The following TECR variants were observed in gnomAD, a reference collection of about 807,000 sequenced individuals.
TECR encodes the protein very-long-chain enoyl-CoA reductase.
A neutral mutation model predicts 50.6 loss-of-function variants in TECR; 19 were observed. The observed-to-expected ratio is 0.38, with a 90% CI of 0.26 to 0.55. The LOEUF (loss-of-function observed/expected upper bound fraction) is 0.55, where lower values mean the gene tolerates loss of function less well. Ranked by LOEUF, TECR falls within the 20% of genes least tolerant of loss-of-function variation. The pLI is 0.79. For synonymous variants in TECR, 168 were observed against 163.5 expected (o/e 1.03, Z -0.21); for missense variants, 313 against 408.3 (o/e 0.77, Z 2.01).
chr19:14,545,704 C>G (rs2073284180), intron 1 of TECR: 1 of 161,826 alleles, frequency 6.2e-6, no homozygotes, highest in Non-Finnish European at 1.4e-5. Context: ...GCACAGTTAG[C>G]AGAAAAGGTT....
Position 14,564,175 on chromosome 19 carries a change from CG to C in TECR, c.384-6del. The C allele has an allele frequency of 6.2e-7, 1 of 1,606,550 alleles. No homozygotes were observed. The highest frequency in any genetic ancestry group is 2.2e-5 in the East Asian group (1 of 44,860). On this transcript the variant is annotated splice_polypyrimidine_tract_variant and splice_region_variant and intron_variant, in intron 6 of 12. Coordinates refer to ENST00000215567, the MANE Select transcript of TECR (RefSeq NM_138501.6). ...CAGCCCCAGCTGAGCCTGCTCCCCC[CG>C]ACCAGCCTCGCCTGCATCTGTCACT...
At position 14,564,172 on chromosome 19, in the gene TECR, C is replaced by T. The variant is rs1373796781; in HGVS notation, c.384-10C>T. The T allele has an allele frequency of 1.2e-6, 2 of 1,606,702 alleles. No homozygotes were observed. Among genetic ancestry groups the T allele is most frequent in the Admixed American group, 3.3e-5 (2 of 59,988 alleles). On this transcript the variant is annotated splice_polypyrimidine_tract_variant and intron_variant, in intron 6 of 12. Transcript: ENST00000215567. ...GACCAGCCCCAGCTGAGCCTGCTCC[C>T]CCCGACCAGCCTCGCCTGCATCTGT...
chr19:14,533,680 T>C (rs114165001), intron 1 of TECR, among the ~76,000 whole-genome samples: 209 of 150,584 alleles, frequency 1.4e-3, no homozygotes, highest in African/African-American at 4.9e-3. Flanking sequence ...GTTTCCATAG[T>C]AGCCTCATAT....
chr19:14,563,618 TG>T lies in TECR; in HGVS notation c.119-39del. 6.2e-7 allele frequency: 1 copy of T among 1,609,858 alleles called. No individual in the cohort carries two copies. Among genetic ancestry groups the T allele is most frequent in the Non-Finnish European group, 8.5e-7 (1 of 1,179,532 alleles). ...GCTGGGCAGCGGACCGGCTGAGCCCTGCCAGGCTGTGGGCTGTAACTGCCCT... is the reference window on the plus strand; with the variant it reads ...GCTGGGCAGCGGACCGGCTGAGCCCTCCAGGCTGTGGGCTGTAACTGCCCT... On this transcript the variant is annotated intron_variant, in intron 3 of 12. Transcript: ENST00000215567. This position sits in a 1 kb window ranked among gnomAD's most constrained non-coding sequence, Gnocchi z 5.3.
At position 14,556,725 on chromosome 19, in the gene TECR, C is replaced by T. The variant is rs376115336; in HGVS notation, c.16-5800C>T. Among the ~76,000 whole-genome samples the T allele has an allele frequency of 7.2e-5, 11 of 152,326 alleles. No individual in the cohort carries two copies. In the East Asian group the frequency reaches 1.9e-3, roughly 27 times the overall value. On this transcript the variant is annotated intron_variant, in intron 1 of 12. Transcript: ENST00000215567. Reference sequence around the variant, plus strand: ...GGGCCAGGGTTAAGGTCCCATTCTGCACCAGAGCTGTCTCCGTCCCTGACA... The same window carrying T: ...GGGCCAGGGTTAAGGTCCCATTCTGTACCAGAGCTGTCTCCGTCCCTGACA...
intron 1 of TECR, chr19:14,562,112 C>T (rs1028878188): frequency 2.0e-5 from 10 of 509,218 alleles, no homozygotes; most frequent in African/African-American, 1.7e-4. Flanking sequence ...CCAAGCCCCC[C>T]TCAGAGAAGG....
chr19:14,533,210 CAGG>C (rs1172484489), intron 1 of TECR, among the ~76,000 whole-genome samples: 1 of 152,068 alleles, frequency 6.6e-6, no homozygotes, highest in Non-Finnish European at 1.5e-5. Context: ...CATGTGAGGT[CAGG>C]AGTTTGAGAC....
At position 14,565,885 on chromosome 19, in the gene TECR, C is replaced by T. The variant is rs201750675; in HGVS notation, c.*14C>T. The T allele has an allele frequency of 6.3e-6, 10 of 1,575,038 alleles. No individual in the cohort carries two copies. In the East Asian group the frequency reaches 1.9e-4, roughly 29 times the overall value. On this transcript the variant is annotated 3_prime_UTR_variant, in exon 13 of 13. Transcript: ENST00000215567. ...TTCCTGCTCTGAGCGCTCACCCCTG[C>T]TGAGGCTCAGCCCCTCAACCCGGTG...
At chr19:14,565,016 G>A (rs1041896023) in intron 9 of TECR, 24 bp downstream of exon 9, 11 of 1,613,940 alleles carry the variant, frequency 6.8e-6, no homozygotes, top group Middle Eastern at 1.6e-4. Flanking sequence ...GTGTGGGGAC[G>A]GGGTCGGGGG....
At position 14,565,973 on chromosome 19, in the gene TECR, C is replaced by A. The variant is rs1303208075; in HGVS notation, c.*102C>A. 2 of 1,553,514 alleles carry A rather than the reference C, an allele frequency of 1.3e-6. No homozygotes were observed. On this transcript the variant is annotated 3_prime_UTR_variant, in exon 13 of 13. Coordinates refer to ENST00000215567, the MANE Select transcript of TECR (RefSeq NM_138501.6). ...CACCCGGAATAAAGCCCGCCTGCCC[C>A]AGTCGGACTCGGGCTCTGTGTGTTT...
chr19:14,543,406 T>TA (rs1248575226), intron 1 of TECR, among the ~76,000 whole-genome samples: 571 of 12,184 alleles, frequency 0.047, 17 homozygotes, highest in Non-Finnish European at 0.066. Context: ...TATATATATA[T>TA]ATATATATAT....
chr19:14,548,250 T>C (rs11085897), intron 1 of TECR, among the ~76,000 whole-genome samples: 128,550 of 152,040 alleles, frequency 0.85, 55,250 homozygotes, highest in African/African-American at 0.96. Context: ...TGTGAGCCAC[T>C]GTGCCTGGGC....
intron 1 of TECR, among the ~76,000 whole-genome samples, chr19:14,535,560 A>ATATATATATATATG (rs2072857757): frequency 9.2e-5 from 2 of 21,856 alleles, no homozygotes; most frequent in African/African-American, 3.3e-4. Context: ...ATATATATAT[A>ATATATATATATATG]TATATATATA....
At chr19:14,552,879 C>G (rs2073584096) in intron 1 of TECR, among the ~76,000 whole-genome samples, 1 of 151,996 alleles carries the variant, frequency 6.6e-6, no homozygotes. Context: ...GGGTGGCAGT[C>G]TCAGCATAGT....
chr19:14,554,153 T>G (rs1408674615), intron 1 of TECR, among the ~76,000 whole-genome samples: 1 of 152,148 alleles, frequency 6.6e-6, no homozygotes, highest in Admixed American at 6.5e-5. Flanking sequence ...GATTTACTGC[T>G]TAGATCTTGG....
Position 14,563,673 on chromosome 19 carries a change from C to T in TECR, c.134C>T (p.Pro45Leu), listed in dbSNP as rs2073971619. ...LFTKTHPQWY[P>L]ARQSLRLDPK... is the part of the protein sequence containing the mutation. ...CTCCCCGCAGATCCGCAGTGGTACC[C>T]CGCCCGCCAGTCCCTCCGCCTGGAC... The change falls in exon 4 of 13, where the codon CCC (proline) becomes CTC (leucine). Residue 45 changes from proline to leucine, a missense_variant. Transcript: ENST00000215567. This position sits in a 1 kb window ranked among gnomAD's most constrained non-coding sequence, Gnocchi z 5.3. 6.2e-7 allele frequency: 1 copy of T among 1,612,148 alleles called. No homozygotes were observed. The highest frequency in any genetic ancestry group is 1.7e-5 in the Admixed American group (1 of 59,976).
intron 1 of TECR, among the ~76,000 whole-genome samples, chr19:14,552,752 G>A (rs1198201995): frequency 6.6e-6 from 1 of 151,712 alleles, no homozygotes; most frequent in Admixed American, 6.6e-5. Flanking sequence ...TAGCCAGGAT[G>A]GTCTTGATCT....
intron 1 of TECR, among the ~76,000 whole-genome samples, chr19:14,556,269 C>G (rs549979117): frequency 6.6e-6 from 1 of 152,164 alleles, no homozygotes. Flanking sequence ...GGTTCCCCCA[C>G]TGTCTACTGG....
chr19:14,549,682 C>T (rs781518928), intron 1 of TECR, among the ~76,000 whole-genome samples: 1 of 151,952 alleles, frequency 6.6e-6, no homozygotes, highest in African/African-American at 2.4e-5. Flanking sequence ...CAGTGGCTCA[C>T]GCCTGTAATC....
Sources: allele counts gnomAD v4.1 joint callset (sites outside exome capture counted in the v4.1 genomes callset), GRCh38; gene constraint gnomAD v4.1.1; non-coding constraint Gnocchi (gnomAD v3.1); transcripts MANE v1.5; gene names NCBI Gene and HGNC (gene_info 2026-07-23, HGNC 2026-07-21).